Variants in EPHA8 observed in about 807,000 individuals in gnomAD.
EPHA8 encodes the protein EPH receptor A8, also known as ephrin type-A receptor 8.
In EPHA8, 58 loss-of-function variants were observed where a neutral mutation model predicts 103.6. The ratio of observed to expected loss-of-function variants is 0.56; its 90% CI spans 0.45 to 0.70. The LOEUF (loss-of-function observed/expected upper bound fraction) is 0.70, where lower values mean the gene tolerates loss of function less well. Among genes scored for constraint, EPHA8 ranks in the 30% least tolerant of loss-of-function variants. The pLI is 0.00. For missense variants in EPHA8, 1,304 were observed against 1,395.2 expected (o/e 0.93, Z 1.04); for synonymous variants, 559 against 572.5 (o/e 0.98, Z 0.34).
intron 3 of EPHA8, among the ~76,000 whole-genome samples, chr1:22,578,124 ATG>A: frequency 2.0e-5 from 1 of 51,028 alleles, no homozygotes; most frequent in East Asian, 6.6e-4. Flanking sequence ...GCGTGAGTGT[ATG>A]CATGTGTGCA....
intron 3 of EPHA8, among the ~76,000 whole-genome samples, chr1:22,580,032 C>T (rs1385532781): frequency 2.0e-5 from 3 of 151,718 alleles, no homozygotes; most frequent in Admixed American, 6.6e-5. Context: ...ACTTAGGAGC[C>T]GTCTTGCCCA....
At chr1:22,580,494 TCTC>T (rs1476983501) in intron 3 of EPHA8, among the ~76,000 whole-genome samples, 2 of 152,094 alleles carry the variant, frequency 1.3e-5, no homozygotes, top group Non-Finnish European at 2.9e-5. Flanking sequence ...CTATGAGTCT[TCTC>T]CTGTCCCGAG....
At chr1:22,568,647 T>A (rs538101851) in intron 1 of EPHA8, among the ~76,000 whole-genome samples, 2 of 152,344 alleles carry the variant, frequency 1.3e-5, no homozygotes, top group Non-Finnish European at 2.9e-5. Context: ...GGGTGCCCAC[T>A]AAGAGGCAGC....
At chr1:22,590,930 T>C (rs1641355208) in intron 5 of EPHA8, among the ~76,000 whole-genome samples, 4 of 151,840 alleles carry the variant, frequency 2.6e-5, no homozygotes, top group Admixed American at 2.6e-4. Context: ...CATCCTTGAC[T>C]CTCATGCATG....
intron 8 of EPHA8, 21 bp from the exon 9 acceptor site, chr1:22,596,085 G>A: frequency 6.2e-7 from 1 of 1,613,166 alleles, no homozygotes; most frequent in Non-Finnish European, 8.5e-7. Context: ...GCCTCAGGCA[G>A]GGCGGTGCCC....
intron 4 of EPHA8, among the ~76,000 whole-genome samples, chr1:22,588,251 ACCCCAGCCCCTCAGAC>A (rs1641271556): frequency 6.8e-6 from 1 of 146,986 alleles, no homozygotes; most frequent in South Asian, 2.2e-4. Flanking sequence ...TCAAACCCCC[ACCCCAGCCCCTCAGAC>A]CCCCAGCCCC....
At position 22,600,954 on chromosome 1, in the gene EPHA8, C is replaced by T. The variant is rs367752791; in HGVS notation, c.2595C>T (p.His865=). The T allele has an allele frequency of 1.7e-5, 28 of 1,612,616 alleles. No homozygotes were observed. The highest frequency in any genetic ancestry group is 1.3e-4 in the Admixed American group (8 of 59,942). ...YRLPAPMGCP[H]ALHQLMLDCW... ...TGCCCGCACCCATGGGCTGCCCCCA[C>T]GCCCTGCACCAGCTCATGCTCGACT... is the stretch of plus-strand genomic sequence containing the variant. Residue 865 remains histidine (H), a synonymous_variant, in exon 15 of 17, where the codon CAC becomes CAT. Transcript: ENST00000166244.
intron 3 of EPHA8, among the ~76,000 whole-genome samples, chr1:22,579,588 C>T (rs1386802695): frequency 6.6e-6 from 1 of 152,182 alleles, no homozygotes; most frequent in Non-Finnish European, 1.5e-5. Context: ...GGACAAACAG[C>T]AGGTGTCCAG....
chr1:22,597,665 G>A lies in EPHA8; in HGVS notation c.1931-11G>A, dbSNP rs753191289. The A allele has an allele frequency of 4.4e-5, 71 of 1,595,678 alleles. No homozygotes were observed. Among genetic ancestry groups the A allele is most frequent in the Admixed American group, 6.9e-5 (4 of 58,366 alleles). On this transcript the variant is annotated splice_polypyrimidine_tract_variant and intron_variant, in intron 10 of 16. Transcript: ENST00000166244. This position sits in a 1 kb window ranked among gnomAD's most constrained non-coding sequence, Gnocchi z 4.6. ...CCCTCCCTCCACACCTGCCCCTCTC[G>A]GGGCCTGCAGGAGACTCCGGGGAAG... is the stretch of plus-strand genomic sequence containing the variant.
intron 13 of EPHA8, among the ~76,000 whole-genome samples, chr1:22,599,258 T>G (rs1227880582): frequency 1.3e-5 from 2 of 152,170 alleles, no homozygotes; most frequent in Non-Finnish European, 2.9e-5. Flanking sequence ...TGTCACCAGG[T>G]GGCCAGGGGA....
chr1:22,601,524 G>GA (rs760490571), intron 16 of EPHA8, 51 bp downstream of exon 16: 5 of 1,596,540 alleles, frequency 3.1e-6, no homozygotes, highest in African/African-American at 1.3e-5. Context: ...CAGGGGGGGG[G>GA]ACCCCTGCCG....
intron 3 of EPHA8, among the ~76,000 whole-genome samples, chr1:22,581,803 A>G (rs769637081): frequency 5.9e-5 from 9 of 152,272 alleles, no homozygotes; most frequent in Non-Finnish European, 1.0e-4. Flanking sequence ...TATAAAAAAT[A>G]TTAATTCATA....
At chr1:22,590,387 C>T (rs990337543) in intron 5 of EPHA8, among the ~76,000 whole-genome samples, 1 of 152,212 alleles carries the variant, frequency 6.6e-6, no homozygotes, top group African/African-American at 2.4e-5. Context: ...GACCATTTCT[C>T]TTCCCATACG....
intron 2 of EPHA8, among the ~76,000 whole-genome samples, chr1:22,572,253 A>C (rs1055326177): frequency 8.5e-5 from 13 of 152,230 alleles, no homozygotes; most frequent in Non-Finnish European, 1.3e-4. Context: ...GTCCTGATGA[A>C]CGGGGGCTCC....
In EPHA8 at chr1:22,579,022, C is replaced by A. The variant is rs549934198; in HGVS notation, c.823+2142C>A. 2.2e-5 allele frequency among the ~76,000 whole-genome samples: 3 copies of A among 135,790 alleles called. No homozygotes were observed. The South Asian group carries it at 7.3e-4, about 33-fold the overall frequency. The allele number at this position is 135,790 out of a possible 152,430, so 89.1% of individuals were successfully genotyped here. On this transcript the variant is annotated intron_variant, in intron 3 of 16. Coordinates refer to ENST00000166244, the MANE Select transcript of EPHA8 (RefSeq NM_020526.5). ...GTATATGCATGTGTGTGCATATGTG[C>A]AAGAGTATGTATGCATGTGTGTGCA...
intron 5 of EPHA8, among the ~76,000 whole-genome samples, chr1:22,591,997 G>C (rs1317801450): frequency 6.6e-6 from 1 of 152,176 alleles, no homozygotes; most frequent in Non-Finnish European, 1.5e-5. Flanking sequence ...GAAGCTCCTA[G>C]AGGGATGTCT....
intron 3 of EPHA8, among the ~76,000 whole-genome samples, chr1:22,579,631 C>T (rs1640984878): frequency 6.6e-6 from 1 of 152,172 alleles, no homozygotes; most frequent in African/African-American, 2.4e-5. Context: ...TTCTCTCCGT[C>T]GTTTTCTTTG....
chr1:22,600,171 A>C (rs1341334708), intron 13 of EPHA8, among the ~76,000 whole-genome samples: 31 of 116,750 alleles, frequency 2.7e-4, no homozygotes, highest in Admixed American at 1.1e-3. Flanking sequence ...GGAGGCAGGA[A>C]GGAAGGAAAG....
intron 3 of EPHA8, among the ~76,000 whole-genome samples, chr1:22,582,073 G>C (rs1237933329): frequency 6.6e-6 from 1 of 152,196 alleles, no homozygotes; most frequent in Non-Finnish European, 1.5e-5. Flanking sequence ...GCAAAGGAAG[G>C]GCTGGGAACA....
Sources: allele counts gnomAD v4.1 joint callset (sites outside exome capture counted in the v4.1 genomes callset), GRCh38; gene constraint gnomAD v4.1.1; non-coding constraint Gnocchi (gnomAD v3.1); transcripts MANE v1.5; gene names NCBI Gene and HGNC (gene_info 2026-07-23, HGNC 2026-07-21).